Variants in LSAMP observed in about 807,000 individuals in gnomAD.
LSAMP encodes limbic system associated membrane protein.
Under a neutral mutation model 38.6 loss-of-function variants are expected in LSAMP, and 7 were observed. The ratio of observed to expected loss-of-function variants is 0.18; its 90% CI spans 0.10 to 0.34. The LOEUF (loss-of-function observed/expected upper bound fraction) is 0.34, where lower values mean the gene tolerates loss of function less well. LSAMP is among the 10% of genes least tolerant of loss of function. LSAMP has a pLI of 1.00. For synonymous variants in LSAMP, 154 were observed against 166.8 expected (o/e 0.92, Z 0.59); for missense variants, 313 against 420.0 (o/e 0.75, Z 2.23).
At chr3:115,825,737 G>A (rs766681500) in intron 6 of LSAMP, among the ~76,000 whole-genome samples, 26 of 151,844 alleles carry the variant, frequency 1.7e-4, no homozygotes, top group Admixed American at 1.6e-3. Flanking sequence ...TGATGTATTC[G>A]TATAAGGTAT....
chr3:116,306,254 G>A (rs1251160116), intron 1 of LSAMP, among the ~76,000 whole-genome samples: 2 of 152,008 alleles, frequency 1.3e-5, no homozygotes, highest in East Asian at 3.9e-4. Context: ...AGGAAGTGGA[G>A]GATGAAAGGG....
chr3:115,968,185 C>G (rs1170957717), intron 3 of LSAMP, among the ~76,000 whole-genome samples: 1 of 152,060 alleles, frequency 6.6e-6, no homozygotes, highest in South Asian at 2.1e-4. Flanking sequence ...TGGTGCTCTA[C>G]TGCACTGTGG....
intron 3 of LSAMP, among the ~76,000 whole-genome samples, chr3:115,943,649 A>G (rs998979259): frequency 6.6e-6 from 1 of 152,190 alleles, no homozygotes; most frequent in Non-Finnish European, 1.5e-5. Context: ...TTGTCACTTA[A>G]ATGGGCATTT....
chr3:116,212,064 C>A lies in LSAMP; in HGVS notation c.156-125508G>T, dbSNP rs913074290. On this transcript the variant is annotated intron_variant, in intron 1 of 6. Transcript: ENST00000490035. ...ATGAAAAGAGTGCTAAAGAAGGAGG[C>A]TTTTACCCAATCCAGTGACACAGAA... 1.4e-4 allele frequency among the ~76,000 whole-genome samples: 22 copies of A among 152,114 alleles called. 1 individual carries two copies. Among genetic ancestry groups the A allele is most frequent in the Admixed American group, 1.4e-3 (22 of 15,266 alleles).
chr3:116,292,720 A>T (rs775958240), intron 1 of LSAMP, among the ~76,000 whole-genome samples: 3 of 152,196 alleles, frequency 2.0e-5, no homozygotes, highest in Non-Finnish European at 4.4e-5. Flanking sequence ...ATGACTTCAC[A>T]AATGATTTTG....
chr3:115,878,487 A>G (rs2107421608), intron 3 of LSAMP, among the ~76,000 whole-genome samples: 1 of 95,782 alleles, frequency 1.0e-5, no homozygotes, highest in Non-Finnish European at 1.9e-5. Flanking sequence ...TTTTTGACAG[A>G]CTCTTGCTCT....
chr3:115,985,645 T>C (rs539768901), intron 3 of LSAMP, among the ~76,000 whole-genome samples: 1 of 152,336 alleles, frequency 6.6e-6, no homozygotes, highest in Admixed American at 6.5e-5. Flanking sequence ...GTTGTTATGC[T>C]CACTCACTGG....
chr3:116,396,263 T>C (rs2048765867), intron 1 of LSAMP, among the ~76,000 whole-genome samples: 1 of 152,226 alleles, frequency 6.6e-6, no homozygotes, highest in Non-Finnish European at 1.5e-5. Flanking sequence ...TAAAATCTAA[T>C]TTGAGACTTC....
intron 3 of LSAMP, among the ~76,000 whole-genome samples, chr3:115,905,721 C>G (rs772760903): frequency 6.6e-6 from 1 of 151,994 alleles, no homozygotes; most frequent in South Asian, 2.1e-4. Context: ...CTTATAAGGC[C>G]GATAAAAGAT....
At chr3:116,350,539 C>T (rs2048123735) in intron 1 of LSAMP, among the ~76,000 whole-genome samples, 1 of 152,000 alleles carries the variant, frequency 6.6e-6, no homozygotes, top group South Asian at 2.1e-4. Flanking sequence ...ATCCCTTTGT[C>T]CTGCTCATCC....
At chr3:115,819,628 A>T (rs1934162564) in intron 6 of LSAMP, among the ~76,000 whole-genome samples, 2 of 152,192 alleles carry the variant, frequency 1.3e-5, no homozygotes, top group African/African-American at 2.4e-5. Context: ...AGAAGCATAT[A>T]AAAAATTCCC....
intron 1 of LSAMP, among the ~76,000 whole-genome samples, chr3:116,236,504 T>C (rs1443083460): frequency 6.6e-6 from 1 of 152,144 alleles, no homozygotes. Flanking sequence ...TTTCACTCAC[T>C]ATTGGTGCCC....
intron 1 of LSAMP, among the ~76,000 whole-genome samples, chr3:116,432,274 A>G (rs1387383648): frequency 6.6e-6 from 1 of 151,892 alleles, no homozygotes. Flanking sequence ...GTGTACGTAA[A>G]TTTTATGTAC....
At chr3:115,867,749 G>A (rs930104036) in intron 3 of LSAMP, among the ~76,000 whole-genome samples, 8 of 151,884 alleles carry the variant, frequency 5.3e-5, no homozygotes, top group Non-Finnish European at 1.5e-5. Flanking sequence ...TGGTGGTCAG[G>A]GCAAACAGAG....
intron 1 of LSAMP, among the ~76,000 whole-genome samples, chr3:116,290,959 G>C (rs2047259426): frequency 6.6e-6 from 1 of 151,922 alleles, no homozygotes; most frequent in Non-Finnish European, 1.5e-5. Flanking sequence ...TTTCACTGAA[G>C]ATGCTTCATA....
chr3:115,936,915 A>G (rs1937721980), intron 3 of LSAMP, among the ~76,000 whole-genome samples: 1 of 152,192 alleles, frequency 6.6e-6, no homozygotes, highest in South Asian at 2.1e-4. Flanking sequence ...TAGAGCTGCA[A>G]TTAATAGTAG....
chr3:115,907,868 G>A lies in LSAMP; in HGVS notation c.515-55251C>T, dbSNP rs544045852. ...GAGTAAAATGTGACATCATTTAGGGGCTTCTCAAGGCCTTTTTATTATGAA... is the reference window on the plus strand; with the variant it reads ...GAGTAAAATGTGACATCATTTAGGGACTTCTCAAGGCCTTTTTATTATGAA... On this transcript the variant is annotated intron_variant, in intron 3 of 6. Transcript: ENST00000490035. Among the ~76,000 whole-genome samples, 21 of 152,222 alleles carry A rather than the reference G, an allele frequency of 1.4e-4. No homozygotes were observed. In the South Asian group the frequency reaches 1.7e-3, roughly 12 times the overall value.
chr3:116,110,467 G>C (rs1322908598), intron 1 of LSAMP, among the ~76,000 whole-genome samples: 1 of 152,192 alleles, frequency 6.6e-6, no homozygotes, highest in Non-Finnish European at 1.5e-5. Context: ...TGCCTTCCCA[G>C]TCTGTGACCG....
chr3:115,891,004 G>A (rs114706345), intron 3 of LSAMP, among the ~76,000 whole-genome samples: 1,564 of 152,018 alleles, frequency 0.01, 13 homozygotes, highest in Non-Finnish European at 0.014. Context: ...TAGGAATAAG[G>A]TTGATAAGGA....
Sources: gnomAD v4.1 joint callset for allele counts (sites outside exome capture counted in the v4.1 genomes callset) on GRCh38, gnomAD v4.1.1 for gene constraint, MANE v1.5 for transcripts, NCBI Gene and HGNC (gene_info 2026-07-23, HGNC 2026-07-21) for gene names.